Variants in KCND2 observed in about 807,000 individuals in gnomAD.
The protein encoded by KCND2 is A-type voltage-gated potassium channel KCND2.
Under a neutral mutation model 54.4 loss-of-function variants are expected in KCND2, and 16 were observed. The ratio of observed to expected loss-of-function variants is 0.29; its 90% CI spans 0.20 to 0.45. The LOEUF is 0.45. KCND2 is among the 20% of genes least tolerant of loss of function. The pLI is 1.00. For missense variants in KCND2, 486 were observed against 824.2 expected (o/e 0.59, Z 5.02); for synonymous variants, 317 against 310.7 (o/e 1.02, Z -0.21).
intron 1 of KCND2, among the ~76,000 whole-genome samples, chr7:120,490,840 G>A (rs757440083): frequency 3.9e-5 from 6 of 152,092 alleles, no homozygotes; most frequent in African/African-American, 7.2e-5. Context: ...AGCATTAGTC[G>A]TCAGCACCTG....
chr7:120,585,550 A>G (rs1009460736), intron 1 of KCND2, among the ~76,000 whole-genome samples: 3 of 152,158 alleles, frequency 2.0e-5, no homozygotes, highest in Non-Finnish European at 4.4e-5. Context: ...CAGGTAGATA[A>G]AAAGAGCATC....
At chr7:120,688,833 G>T (rs1792235206) in intron 1 of KCND2, among the ~76,000 whole-genome samples, 1 of 152,112 alleles carries the variant, frequency 6.6e-6, no homozygotes, top group Admixed American at 6.6e-5. Context: ...ATGTACTTTT[G>T]TCTGTATTTC....
At chr7:120,412,932 C>G (rs1437139191) in intron 1 of KCND2, among the ~76,000 whole-genome samples, 5 of 152,040 alleles carry the variant, frequency 3.3e-5, no homozygotes, top group Non-Finnish European at 5.9e-5. Flanking sequence ...TGGCAGATCA[C>G]TTTACTCCAG....
chr7:120,521,341 A>G (rs992346405), intron 1 of KCND2, among the ~76,000 whole-genome samples: 10 of 152,222 alleles, frequency 6.6e-5, no homozygotes, highest in African/African-American at 2.4e-4. Flanking sequence ...TTAGGGTTAT[A>G]TTACAAATGT....
At position 120,567,079 on chromosome 7, in the gene KCND2, G is replaced by GA. The variant is rs576183116; in HGVS notation, c.1116-165816dup. On this transcript the variant is annotated intron_variant, in intron 1 of 5. Transcript: ENST00000331113. Reference sequence around the variant, plus strand: ...TATTATCAGATTTATTTATTTGAAGGAAAAAAAACTCTTATGAAAGAATCC... The same window carrying GA: ...TATTATCAGATTTATTTATTTGAAGGAAAAAAAAACTCTTATGAAAGAATCC... Among the ~76,000 whole-genome samples, 198 of 151,732 alleles carry GA rather than the reference G, an allele frequency of 1.3e-3. 4 individuals carry two copies. The highest frequency in any genetic ancestry group is 0.012 in the Admixed American group (178 of 15,200).
In KCND2 at chr7:120,498,478, G is replaced by GA. The variant is rs1485121887; in HGVS notation, c.1115+222738dup. Among the ~76,000 whole-genome samples the GA allele has an allele frequency of 3.2e-4, 48 of 149,900 alleles. 1 individual carries two copies. The highest frequency in any genetic ancestry group is 1.3e-3 in the Admixed American group (20 of 15,000). On this transcript the variant is annotated intron_variant, in intron 1 of 5. Coordinates refer to ENST00000331113, the MANE Select transcript of KCND2 (RefSeq NM_012281.3). ...CTGGCGACAGAGCAAGACTCCATCT[G>GA]AAAAAAAGACACTCGACTGGGCGTG...
intron 1 of KCND2, among the ~76,000 whole-genome samples, chr7:120,293,221 T>C (rs1799461302): frequency 6.6e-6 from 1 of 151,916 alleles, no homozygotes. Flanking sequence ...CATTAGTCTG[T>C]TTAATTGGAT....
At chr7:120,486,352 T>C (rs945847383) in intron 1 of KCND2, among the ~76,000 whole-genome samples, 1 of 151,688 alleles carries the variant, frequency 6.6e-6, no homozygotes, top group Non-Finnish European at 1.5e-5. Flanking sequence ...CTTCAGGGGG[T>C]GGGAGCCAAG....
intron 1 of KCND2, among the ~76,000 whole-genome samples, chr7:120,501,850 G>A (rs777559152): frequency 9.2e-5 from 14 of 151,770 alleles, no homozygotes; most frequent in Non-Finnish European, 1.3e-4. Context: ...TTTAATTTTC[G>A]TTAAATATTC....
At chr7:120,711,751 A>C (rs1792540731) in intron 1 of KCND2, among the ~76,000 whole-genome samples, 2 of 152,172 alleles carry the variant, frequency 1.3e-5, no homozygotes, top group African/African-American at 2.4e-5. Context: ...TTGAGATTTC[A>C]GTTTCTGAGC....
intron 1 of KCND2, among the ~76,000 whole-genome samples, chr7:120,391,394 T>C (rs535972299): frequency 6.2e-4 from 95 of 152,272 alleles, no homozygotes; most frequent in Admixed American, 1.9e-3. Context: ...CATGTGTCTT[T>C]ATAGCAGAAT....
intron 1 of KCND2, among the ~76,000 whole-genome samples, chr7:120,678,532 A>G (rs1792098036): frequency 6.8e-6 from 1 of 147,716 alleles, no homozygotes. Flanking sequence ...ACACATAAAT[A>G]TACAAAATGT....
chr7:120,453,026 A>G (rs1013933160), intron 1 of KCND2, among the ~76,000 whole-genome samples: 2 of 152,102 alleles, frequency 1.3e-5, no homozygotes, highest in Non-Finnish European at 2.9e-5. Flanking sequence ...TTTGCCAGTG[A>G]CTATGCCTGA....
intron 1 of KCND2, among the ~76,000 whole-genome samples, chr7:120,613,269 C>T (rs1792979435): frequency 6.6e-6 from 1 of 152,132 alleles, no homozygotes; most frequent in Admixed American, 6.5e-5. Flanking sequence ...GTGGTTCATG[C>T]CTGTAATCCC....
intron 2 of KCND2, among the ~76,000 whole-genome samples, chr7:120,737,134 T>A (rs1277987800): frequency 6.9e-6 from 1 of 145,514 alleles, no homozygotes; most frequent in Non-Finnish European, 1.5e-5. Context: ...TCCCAAATCA[T>A]CAGACTCTGT....
rs886526818 is a variant in KCND2 at position 120,748,375 on chromosome 7, A to G, written c.*517A>G. Reference sequence around the variant, plus strand: ...TTGAAGCAGTGATCTCAGTTTCCTTATGTTGTCTTCAGAATAGGCATGATA... The same window carrying G: ...TTGAAGCAGTGATCTCAGTTTCCTTGTGTTGTCTTCAGAATAGGCATGATA... On this transcript the variant is annotated 3_prime_UTR_variant, in exon 6 of 6. Transcript: ENST00000331113. 1 of 154,786 alleles carries G rather than the reference A, an allele frequency of 6.5e-6. No individual in the cohort carries two copies. Among genetic ancestry groups the G allele is most frequent in the Non-Finnish European group, 1.4e-5 (1 of 69,708 alleles). 9.6% of individuals were successfully genotyped at this position (154,786 alleles called of 1,614,324 possible). A position where few individuals can be genotyped will look rare whatever the true frequency, so the allele number is the denominator to read the frequency against.
At chr7:120,353,115 G>C (rs1338271436) in intron 1 of KCND2, among the ~76,000 whole-genome samples, 4 of 132,802 alleles carry the variant, frequency 3.0e-5, no homozygotes, top group Non-Finnish European at 4.9e-5. Context: ...TTGTAACAAT[G>C]TGAGATAAAT....
intron 5 of KCND2, 23 bp downstream of exon 5, chr7:120,746,050 G>T (rs758471526): frequency 1.2e-6 from 2 of 1,610,328 alleles, no homozygotes; most frequent in Non-Finnish European, 1.7e-6. Context: ...AATCTGTGTT[G>T]TCTACACACC....
At chr7:120,575,143 A>AAGGAGTAT (rs1792414590) in intron 1 of KCND2, among the ~76,000 whole-genome samples, 1 of 152,170 alleles carries the variant, frequency 6.6e-6, no homozygotes, top group African/African-American at 2.4e-5. Context: ...GGTGTTTATT[A>AAGGAGTAT]AGGAGTATTG....
Sources: gnomAD v4.1 joint callset for allele counts (sites outside exome capture counted in the v4.1 genomes callset) on GRCh38, gnomAD v4.1.1 for gene constraint, MANE v1.5 for transcripts, NCBI Gene and HGNC (gene_info 2026-07-23, HGNC 2026-07-21) for gene names.